The following ZC3H12B variants were observed in gnomAD, a reference collection of about 807,000 sequenced individuals.
The protein encoded by ZC3H12B is probable ribonuclease ZC3H12B.
Under a neutral mutation model 43.9 loss-of-function variants are expected in ZC3H12B, and 7 were observed. The ratio of observed to expected loss-of-function variants is 0.16; its 90% CI spans 0.09 to 0.30. ZC3H12B has a LOEUF of 0.30. ZC3H12B is among the 10% of genes least tolerant of loss of function. The probability of loss-of-function intolerance (pLI) is 1.00; values close to 1 mark genes in which losing one functional copy is unlikely to be tolerated. For synonymous variants in ZC3H12B, 222 were observed against 241.7 expected (o/e 0.92, Z 0.76); for missense variants, 475 against 670.2 (o/e 0.71, Z 3.22).
the ZC3H12B span, among the ~76,000 whole-genome samples, chrX:65,281,409 C>T: frequency 1.8e-5 from 2 of 110,156 alleles, no homozygotes; most frequent in Admixed American, 1.9e-4. Flanking sequence ...TATTTTTAGA[C>T]AGGGTTACGT....
the ZC3H12B span, among the ~76,000 whole-genome samples, chrX:65,049,190 C>T: frequency 9.0e-6 from 1 of 111,187 alleles, no homozygotes; most frequent in Non-Finnish European, 1.9e-5. Flanking sequence ...TCTCACTTGT[C>T]TATTTTTCCT....
At chrX:65,352,240 C>G in the ZC3H12B span, among the ~76,000 whole-genome samples, 1 of 111,689 alleles carries the variant, frequency 9.0e-6, no homozygotes, top group Non-Finnish European at 1.9e-5. Flanking sequence ...ACTGCATGTT[C>G]TCATTCATAA....
At chrX:65,293,454 C>T in the ZC3H12B span, among the ~76,000 whole-genome samples, 1 of 110,405 alleles carries the variant, frequency 9.1e-6, no homozygotes, top group East Asian at 2.8e-4. Context: ...GTATTTAACA[C>T]ACCCCGAGAG....
chrX:65,402,318 C>A (rs1441949833), intron 3 of ZC3H12B, among the ~76,000 whole-genome samples: 2 of 111,831 alleles, frequency 1.8e-5, no homozygotes, highest in Non-Finnish European at 3.8e-5. Flanking sequence ...ACAAGGTAGA[C>A]TTCTAAGTTT....
At chrX:65,085,015 A>C in the ZC3H12B span, among the ~76,000 whole-genome samples, 1 of 112,160 alleles carries the variant, frequency 8.9e-6, no homozygotes, top group African/African-American at 3.2e-5. Flanking sequence ...ACAGAACGAC[A>C]AACATCACAT....
chrX:65,156,878 A>G, the ZC3H12B span, among the ~76,000 whole-genome samples: 1 of 111,889 alleles, frequency 8.9e-6, no homozygotes, highest in African/African-American at 3.3e-5. Context: ...GTTTACTAAC[A>G]TTTTTAGCAC....
At chrX:65,498,510 AG>A (rs1257826118) in intron 2 of ZC3H12B, among the ~76,000 whole-genome samples, 4 of 111,936 alleles carry the variant, frequency 3.6e-5, no homozygotes, top group Non-Finnish European at 7.5e-5. Context: ...CCAAAAGGAA[AG>A]GGGGTCAGCA....
chrX:65,228,429 A>C, the ZC3H12B span, among the ~76,000 whole-genome samples: 2 of 111,599 alleles, frequency 1.8e-5, no homozygotes, highest in African/African-American at 6.5e-5. Flanking sequence ...CCAATATCAT[A>C]CTGAATGGAC....
the ZC3H12B span, among the ~76,000 whole-genome samples, chrX:65,245,199 A>T: frequency 8.9e-6 from 1 of 111,766 alleles, no homozygotes; most frequent in Admixed American, 9.5e-5. Context: ...CCAGGGAGAA[A>T]TTGAGTCCCT....
chrX:65,452,642 A>T, intron 3 of ZC3H12B, among the ~76,000 whole-genome samples: 2 of 111,597 alleles, frequency 1.8e-5, no homozygotes, highest in East Asian at 5.6e-4. Flanking sequence ...GGAATTCAAG[A>T]CCAGCCTGGC....
chrX:65,370,027 A>G (rs2066224473), intron 2 of ZC3H12B, among the ~76,000 whole-genome samples: 1 of 111,508 alleles, frequency 9.0e-6, no homozygotes, highest in Non-Finnish European at 1.9e-5. Flanking sequence ...CGAGAGGATC[A>G]CTTGAGCTCA....
chrX:65,425,997 T>C (rs977765232), intron 3 of ZC3H12B, among the ~76,000 whole-genome samples: 4 of 111,262 alleles, frequency 3.6e-5, no homozygotes, highest in South Asian at 3.8e-4. Context: ...TAGGAGTCCA[T>C]CCTTTTTAAT....
intron 3 of ZC3H12B, among the ~76,000 whole-genome samples, chrX:65,445,414 C>T (rs935199712): frequency 3.6e-5 from 4 of 112,599 alleles, no homozygotes; most frequent in African/African-American, 1.3e-4. Flanking sequence ...TCACTGTAGT[C>T]TTGGTTGTCT....
chrX:65,127,589 G>A, the ZC3H12B span, among the ~76,000 whole-genome samples: 8 of 111,141 alleles, frequency 7.2e-5, no homozygotes, highest in Non-Finnish European at 1.5e-4. Context: ...GAGCTCCTAA[G>A]AGATTATGAT....
At chrX:65,424,904 C>A (rs1437008827) in intron 3 of ZC3H12B, among the ~76,000 whole-genome samples, 2 of 111,463 alleles carry the variant, frequency 1.8e-5, no homozygotes, top group African/African-American at 6.5e-5. Flanking sequence ...AGTGTGATGA[C>A]CCCAGCTTTG....
chrX:65,231,867 G>C, the ZC3H12B span, among the ~76,000 whole-genome samples: 2 of 111,487 alleles, frequency 1.8e-5, no homozygotes, highest in African/African-American at 6.5e-5. Flanking sequence ...AATTTGTACA[G>C]TTAACGCAAT....
At chrX:65,414,479 G>A (rs181258490) in intron 3 of ZC3H12B, among the ~76,000 whole-genome samples, 41 of 111,385 alleles carry the variant, frequency 3.7e-4, no homozygotes, top group Non-Finnish European at 3.4e-4. Context: ...GTTATAAAAT[G>A]TATAGAACTA....
At chrX:65,046,897 C>T in the ZC3H12B span, among the ~76,000 whole-genome samples, 126 of 110,179 alleles carry the variant, frequency 1.1e-3, no homozygotes, top group Middle Eastern at 4.6e-3. Context: ...TAGGGATGCC[C>T]GAGGGGAGGG....
In ZC3H12B at chrX:65,374,290, A is replaced by G. The variant is rs1057107182; in HGVS notation, n.295+5292A>G. On this transcript the variant is annotated intron_variant and non_coding_transcript_variant, in intron 2 of 5. Coordinates refer to the ZC3H12B transcript ENST00000617377. The stretch of plus-strand genomic sequence containing the variant: ...ATATACTATATATATATATATATAT[A>G]TGAAAAGAAAAACTACCTATTGGTT... Among the ~76,000 whole-genome samples, 122 of 90,827 alleles carry G rather than the reference A, an allele frequency of 1.3e-3. 2 individuals carry two copies. The highest frequency in any genetic ancestry group is 5.2e-3 in the Middle Eastern group (1 of 193). 78.9% of individuals were successfully genotyped at this position (90,827 alleles called of 115,157 possible).
Sources: gnomAD v4.1 joint callset for allele counts (sites outside exome capture counted in the v4.1 genomes callset) on GRCh38, gnomAD v4.1.1 for gene constraint, MANE v1.5 for transcripts, NCBI Gene and HGNC (gene_info 2026-07-23, HGNC 2026-07-21) for gene names.